Variants in DAB2IP observed in about 807,000 individuals in gnomAD.
DAB2IP encodes DAB2 interacting protein.
Under a neutral mutation model 107.2 loss-of-function variants are expected in DAB2IP, and 28 were observed. That is an observed-to-expected ratio of 0.26 (90% CI 0.19 to 0.36). The LOEUF (loss-of-function observed/expected upper bound fraction) is 0.36. Among genes scored for constraint, DAB2IP ranks in the 10% least tolerant of loss-of-function variants. DAB2IP has a pLI of 1.00. For missense variants in DAB2IP, 1,400 were observed against 1,644.7 expected, an observed-to-expected ratio of 0.85 and a Z score of 2.57; for synonymous variants, 755 against 706.4, an observed-to-expected ratio of 1.07 and a Z score of -1.09.
At chr9:121,664,495 T>C (rs1833336820) in intron 1 of DAB2IP, among the ~76,000 whole-genome samples, 1 of 152,232 alleles carries the variant, frequency 6.6e-6, no homozygotes, top group Admixed American at 6.5e-5. Context: ...AAATGTCAAC[T>C]AAGCAATACT....
chr9:121,571,778 G>T (rs777487554), intron 1 of DAB2IP, among the ~76,000 whole-genome samples: 1 of 152,104 alleles, frequency 6.6e-6, no homozygotes, highest in African/African-American at 2.4e-5. Context: ...CTATTGGGTG[G>T]TCTGGCGGTG....
chr9:121,743,062 G>A, intron 3 of DAB2IP: 1 of 931,178 alleles, frequency 1.1e-6, no homozygotes, highest in Non-Finnish European at 1.3e-6. Context: ...GAATACTCTG[G>A]CTGGGATGGA....
intron 3 of DAB2IP, chr9:121,737,147 C>T (rs1291030022): frequency 4.2e-6 from 4 of 945,624 alleles, no homozygotes; most frequent in Non-Finnish European, 5.0e-6. Context: ...CCTGTAGGGA[C>T]GGCTCCTCCC....
chr9:121,653,471 A>C (rs545944171), intron 1 of DAB2IP, among the ~76,000 whole-genome samples: 40 of 152,218 alleles, frequency 2.6e-4, no homozygotes, highest in Non-Finnish European at 4.9e-4. Flanking sequence ...ACTTTGGGCA[A>C]GTCATTTCCC....
At chr9:121,757,027 C>G in exon 4 of DAB2IP, 3 of 1,614,128 alleles carry the variant, frequency 1.9e-6, no homozygotes, top group Non-Finnish European at 2.5e-6. Flanking sequence ...CATCTGATGC[C>G]GAGGCTGAAG....
chr9:121,697,420 G>A (rs1188848401), intron 2 of DAB2IP, among the ~76,000 whole-genome samples: 7 of 152,196 alleles, frequency 4.6e-5, no homozygotes, highest in Admixed American at 3.3e-4. Flanking sequence ...TTAGCCAGGT[G>A]CAGCCCCCTC....
chr9:121,588,359 C>G (rs1309610187), intron 1 of DAB2IP, among the ~76,000 whole-genome samples: 1 of 151,930 alleles, frequency 6.6e-6, no homozygotes, highest in Non-Finnish European at 1.5e-5. Flanking sequence ...CTGGCAGCCC[C>G]AAAATCAGAC....
chr9:121,609,188 G>A (rs1423109045), intron 1 of DAB2IP, among the ~76,000 whole-genome samples: 11 of 152,192 alleles, frequency 7.2e-5, no homozygotes, highest in African/African-American at 2.4e-4. Context: ...CAGGTGCTCC[G>A]TCCGCCTCGA....
intron 1 of DAB2IP, among the ~76,000 whole-genome samples, chr9:121,656,085 C>T (rs557537241): frequency 3.2e-4 from 49 of 151,824 alleles, no homozygotes; most frequent in Non-Finnish European, 4.9e-4. Flanking sequence ...CTCAGCTCAC[C>T]GCAACCTCTG....
chr9:121,591,046 G>C (rs923550872), intron 1 of DAB2IP, among the ~76,000 whole-genome samples: 6 of 152,216 alleles, frequency 3.9e-5, no homozygotes, highest in South Asian at 4.1e-4. Context: ...CCAAGGAATG[G>C]AGAAAAGTGT....
chr9:121,607,440 C>G (rs1195688045), intron 1 of DAB2IP, among the ~76,000 whole-genome samples: 1 of 152,044 alleles, frequency 6.6e-6, no homozygotes, highest in African/African-American at 2.4e-5. Flanking sequence ...GTAGCTGGGA[C>G]TGCAGGCAAG....
chr9:121,593,879 G>A (rs922984125), intron 1 of DAB2IP, among the ~76,000 whole-genome samples: 3 of 151,526 alleles, frequency 2.0e-5, no homozygotes, highest in Non-Finnish European at 2.9e-5. Context: ...TTTTGACCAG[G>A]CTGGTCTTAA....
chr9:121,719,486 C>G (rs117226978), intron 3 of DAB2IP, among the ~76,000 whole-genome samples: 150 of 152,278 alleles, frequency 9.9e-4, no homozygotes, highest in Non-Finnish European at 1.7e-3. Context: ...CTTCCTGGGA[C>G]AGTCATTGAG....
At chr9:121,717,274 C>T (rs938492657) in intron 3 of DAB2IP, among the ~76,000 whole-genome samples, 1 of 152,232 alleles carries the variant, frequency 6.6e-6, no homozygotes, top group Non-Finnish European at 1.5e-5. Context: ...AGTTGGCCTG[C>T]TGCTTAGCCT....
At chr9:121,675,887 G>T (rs539419050) in intron 1 of DAB2IP, among the ~76,000 whole-genome samples, 41 of 152,232 alleles carry the variant, frequency 2.7e-4, no homozygotes, top group Non-Finnish European at 4.7e-4. Flanking sequence ...AGGCAGACAG[G>T]AAAGCATGGG....
intron 2 of DAB2IP, among the ~76,000 whole-genome samples, chr9:121,695,780 A>G (rs887436852): frequency 2.6e-5 from 4 of 152,342 alleles, no homozygotes; most frequent in South Asian, 2.1e-4. Context: ...AGTCCTGTAC[A>G]TGTATATGGG....
At chr9:121,729,374 AC>A (rs1403810542) in intron 3 of DAB2IP, among the ~76,000 whole-genome samples, 4 of 152,048 alleles carry the variant, frequency 2.6e-5, no homozygotes, top group Admixed American at 1.3e-4. Context: ...GGAAGCTGAG[AC>A]CCTAGGAGAG....
In DAB2IP at chr9:121,772,528, G is replaced by A. The variant is rs1834836335; in HGVS notation, c.2079-79G>A. 5 of 1,498,380 alleles carry A rather than the reference G, an allele frequency of 3.3e-6. No individual in the cohort carries two copies. Among genetic ancestry groups the A allele is most frequent in the Non-Finnish European group, 4.5e-6 (5 of 1,104,282 alleles). The allele number at this position is 1,498,380 out of a possible 1,614,324, so 92.8% of individuals were successfully genotyped here. On this transcript the variant is annotated intron_variant, in intron 11 of 15. Coordinates refer to ENST00000408936, the Ensembl canonical transcript of DAB2IP. The surrounding 1 kb of genome is among the most constrained non-coding windows in gnomAD (Gnocchi z 4.7). ...AGGCCCCGGCAGGTTGGCGGGTGCT[G>A]TCGGTTTGGACCCGCCTTGGCTGCA...
chr9:121,643,937 G>A (rs1462051439), intron 1 of DAB2IP, among the ~76,000 whole-genome samples: 1 of 152,198 alleles, frequency 6.6e-6, no homozygotes, highest in African/African-American at 2.4e-5. Flanking sequence ...GGACAATAAG[G>A]TGGGAGAATC....
Sources: gnomAD v4.1 joint callset for allele counts (sites outside exome capture counted in the v4.1 genomes callset) on GRCh38, gnomAD v4.1.1 for gene constraint, Gnocchi (gnomAD v3.1) non-coding constraint, MANE v1.5 for transcripts, NCBI Gene and HGNC (gene_info 2026-07-23, HGNC 2026-07-21) for gene names.